The following RTTN variants were observed in gnomAD, a reference collection of about 807,000 sequenced individuals.
The protein encoded by RTTN is rotatin.
A neutral mutation model predicts 269.2 loss-of-function variants in RTTN; 182 were observed. The ratio of observed to expected loss-of-function variants is 0.68; its 90% CI spans 0.60 to 0.76. The LOEUF is 0.76. Among genes scored for constraint, RTTN ranks in the 30% least tolerant of loss-of-function variants. RTTN has a pLI of 0.00. For missense variants in RTTN, 2,545 were observed against 2,608.6 expected (o/e 0.98, Z 0.53); for synonymous variants, 1,006 against 963.5 (o/e 1.04, Z -0.82).
In RTTN at chr18:70,061,076, G is replaced by A. The variant is rs116763081; in HGVS notation, c.4748-1034C>T. ...ATCAACATGGGAGTGCAGCTATCTC[G>A]TCGATATACTTTTTTTTTCTTTTAG... is the stretch of plus-strand genomic sequence containing the variant. On this transcript the variant is annotated intron_variant, in intron 35 of 48. Transcript: ENST00000640769. 2.5e-3 allele frequency among the ~76,000 whole-genome samples: 374 copies of A among 152,052 alleles called. 1 individual carries two copies. The highest frequency in any genetic ancestry group is 8.5e-3 in the African/African-American group (354 of 41,462).
intron 25 of RTTN, among the ~76,000 whole-genome samples, chr18:70,122,135 A>G (rs988172996): frequency 6.6e-6 from 1 of 152,130 alleles, no homozygotes; most frequent in Non-Finnish European, 1.5e-5. Flanking sequence ...GGGGAAAAAA[A>G]GGCCTGCAAG....
chr18:70,157,525 A>G (rs2060714326), intron 14 of RTTN, among the ~76,000 whole-genome samples: 1 of 152,246 alleles, frequency 6.6e-6, no homozygotes, highest in Admixed American at 6.5e-5. Context: ...TAAGAAAAAA[A>G]CAGTGTAAGA....
Position 70,199,428 on chromosome 18 carries a change from G to A in RTTN, c.564C>T (p.Leu188=). The change falls in exon 5 of 49, where the codon CTC becomes CTT. Residue 188 remains leucine, a synonymous_variant. Transcript: ENST00000640769. ...LPLTTTDRHV[L]SSNESSLRSS... is the part of the protein sequence containing the mutation. ...AAGCACCGTACCTTTCATTAGAGGA[G>A]AGGACATGTCTGTCTGTGGTGGTCA... The A allele has an allele frequency of 6.2e-7, 1 of 1,610,170 alleles. No individual in the cohort carries two copies. Among genetic ancestry groups the A allele is most frequent in the Non-Finnish European group, 8.5e-7 (1 of 1,176,656 alleles).
intron 40 of RTTN, 46 bp from the exon 41 acceptor site, chr18:70,031,027 G>A (rs1165160020): frequency 3.0e-6 from 4 of 1,320,790 alleles, no homozygotes; most frequent in East Asian, 4.7e-5. Context: ...TATTTAATCT[G>A]GAGCAAAACT....
rs1354843912 is a variant in RTTN at position 70,126,849 on chromosome 18, C to G, written c.3383+653G>C. Reference sequence around the variant, plus strand: ...TAAAGGAATTCATATTTTGGAAACTCATTTAACCTAGCAGCTTAAAAACTG... The same window carrying G: ...TAAAGGAATTCATATTTTGGAAACTGATTTAACCTAGCAGCTTAAAAACTG... On this transcript the variant is annotated intron_variant, in intron 25 of 48. Transcript: ENST00000640769. Among the ~76,000 whole-genome samples, 4 of 152,092 alleles carry G rather than the reference C, an allele frequency of 2.6e-5. No individual in the cohort carries two copies. The East Asian group carries it at 7.7e-4, about 29-fold the overall frequency.
At chr18:70,144,767 C>T (rs1299830311) in intron 18 of RTTN, among the ~76,000 whole-genome samples, 1 of 152,046 alleles carries the variant, frequency 6.6e-6, no homozygotes, top group Non-Finnish European at 1.5e-5. Flanking sequence ...AATGTGTTTC[C>T]CCATTAAAAA....
chr18:70,196,519 A>C lies in RTTN; in HGVS notation c.823T>G (p.Phe275Val). 6.2e-7 allele frequency: 1 copy of C among 1,610,474 alleles called. No individual in the cohort carries two copies. The highest frequency in any genetic ancestry group is 8.5e-7 in the Non-Finnish European group (1 of 1,179,116). The change falls in exon 7 of 49, where the codon TTT becomes GTT. Residue 275 changes from phenylalanine to valine, a missense_variant. By Grantham distance (50) the Phe-to-Val change is conservative. Transcript: ENST00000640769. ...NRLNFHRDPG[F>V]FSNKHDTVSQ... ...TAAATACCGTGTTTATTGGAGAAAA[A>C]ACCTGGATCTCGGTGAAAGTTAAGT...
intron 44 of RTTN, 37 bp from the exon 45 acceptor site, chr18:70,020,854 T>C: frequency 6.4e-7 from 1 of 1,553,136 alleles, no homozygotes; most frequent in Non-Finnish European, 8.8e-7. Context: ...GTCTTCTCAG[T>C]TTCCCTGTTT....
rs1054354772 is a variant in RTTN, at chr18:70,037,986, G to A, written c.5542-7005C>T. Among the ~76,000 whole-genome samples the A allele has an allele frequency of 3.7e-4, 41 of 112,130 alleles. 1 individual carries two copies. Among genetic ancestry groups the A allele is most frequent in the Admixed American group, 4.3e-4 (4 of 9,204 alleles). The allele number at this position is 112,130 out of a possible 152,430, so 73.6% of individuals were successfully genotyped here. A position where few individuals can be genotyped will look rare whatever the true frequency, so the allele number is the denominator to read the frequency against. On this transcript the variant is annotated intron_variant, in intron 40 of 48. Coordinates refer to ENST00000640769, the MANE Select transcript of RTTN (RefSeq NM_173630.4). ...GCAGCAGCGTGGTAGAACTCCCATG[G>A]GACCGTGGTATTGGTGGCCAAAAGG...
chr18:70,056,844 C>T (rs1183340826), intron 37 of RTTN, among the ~76,000 whole-genome samples: 3 of 152,190 alleles, frequency 2.0e-5, no homozygotes, highest in Non-Finnish European at 4.4e-5. Flanking sequence ...AGATGTCTAT[C>T]ATCTTCAGGC....
At chr18:70,164,782 T>C (rs1328335401) in intron 14 of RTTN, among the ~76,000 whole-genome samples, 2 of 152,308 alleles carry the variant, frequency 1.3e-5, no homozygotes, top group South Asian at 2.1e-4. Flanking sequence ...CCAAGAATTA[T>C]ACAGAAGTGA....
At chr18:70,079,284 A>G (rs1433661646) in intron 32 of RTTN, among the ~76,000 whole-genome samples, 1 of 152,134 alleles carries the variant, frequency 6.6e-6, no homozygotes, top group Non-Finnish European at 1.5e-5. Flanking sequence ...TGAACTGCTC[A>G]AAAGAAAACC....
chr18:70,061,284 C>G, intron 35 of RTTN: 1 of 452,802 alleles, frequency 2.2e-6, no homozygotes, highest in African/African-American at 2.0e-5. Flanking sequence ...TAGTGAACAC[C>G]TCCATTAACC....
intron 23 of RTTN, among the ~76,000 whole-genome samples, chr18:70,132,407 T>G (rs1464461396): frequency 6.6e-6 from 1 of 152,010 alleles, no homozygotes; most frequent in Non-Finnish European, 1.5e-5. Flanking sequence ...GGCCATAAAG[T>G]AAAATTCAAC....
At chr18:70,150,198 C>T (rs1813969591) in intron 15 of RTTN, 111 bp from the exon 16 acceptor site, 7 of 680,198 alleles carry the variant, frequency 1.0e-5, no homozygotes, top group Non-Finnish European at 1.8e-5. Flanking sequence ...ATTAACATCT[C>T]TTTCTTTCAA....
At chr18:70,097,184 T>C (rs2059025375) in intron 28 of RTTN, among the ~76,000 whole-genome samples, 2 of 152,260 alleles carry the variant, frequency 1.3e-5, no homozygotes, top group Admixed American at 6.5e-5. Context: ...TAATTAATCA[T>C]GCTTAGTTAA....
intron 10 of RTTN, among the ~76,000 whole-genome samples, chr18:70,182,195 T>C (rs1282895603): frequency 1.3e-5 from 2 of 152,152 alleles, no homozygotes; most frequent in Non-Finnish European, 2.9e-5. Context: ...AATACACCCA[T>C]TTTAAAATAT....
intron 28 of RTTN, among the ~76,000 whole-genome samples, chr18:70,099,309 A>G (rs2059091830): frequency 1.3e-5 from 2 of 151,996 alleles, no homozygotes; most frequent in African/African-American, 4.8e-5. Context: ...ATGGTTTCTC[A>G]TTGTCGTTTT....
intron 10 of RTTN, among the ~76,000 whole-genome samples, chr18:70,184,703 G>GGTTTTTTTT (rs2061494117): frequency 3.8e-5 from 1 of 26,352 alleles, no homozygotes; most frequent in Non-Finnish European, 1.9e-4. Context: ...ACCACAGCAG[G>GGTTTTTTTT]TTTTTTTTTT....
Sources: gnomAD v4.1 joint callset for allele counts (sites outside exome capture counted in the v4.1 genomes callset) on GRCh38, gnomAD v4.1.1 for gene constraint, MANE v1.5 for transcripts, NCBI Gene and HGNC (gene_info 2026-07-23, HGNC 2026-07-21) for gene names.